The following MINDY4B variants were observed in gnomAD, a reference collection of about 807,000 sequenced individuals.
MINDY4B encodes inactive ubiquitin carboxyl-terminal hydrolase MINDY-4B.
Under a neutral mutation model 16.7 loss-of-function variants are expected in MINDY4B, and 25 were observed. The observed-to-expected ratio is 1.49, with a 90% CI of 1.09 to 2.09. The LOEUF (loss-of-function observed/expected upper bound fraction) is 2.09. Among genes scored for constraint, MINDY4B ranks in the 30% most tolerant of loss-of-function variants. The pLI, the probability that MINDY4B is intolerant of heterozygous loss-of-function variation, is 0.00. For synonymous variants in MINDY4B, 132 were observed against 61.9 expected (o/e 2.13, Z -5.32); for missense variants, 327 against 168.4 (o/e 1.94, Z -5.21).
chr3:150,879,150 AT>A (rs1711501937), intron 10 of MINDY4B, among the ~76,000 whole-genome samples: 1 of 152,196 alleles, frequency 6.6e-6, no homozygotes, highest in Non-Finnish European at 1.5e-5. Flanking sequence ...TTGAAAGAAG[AT>A]ATACTCTTTC....
At position 150,905,400 on chromosome 3, in the gene MINDY4B, G is replaced by A. The variant is rs1011776744; in HGVS notation, c.40C>T (p.Gln14Ter). Residue 14 changes from glutamine to a stop codon, truncating the protein, a stop_gained, in exon 1 of 12, where the codon CAG (glutamine) becomes TAG (stop). Coordinates refer to ENST00000465419, the MANE Select transcript of MINDY4B (RefSeq NM_001351281.2). LOFTEE classifies it high-confidence loss of function. ...EVLGQEQSSE[Q>*]LDLEEISRKI... Reference sequence around the variant, plus strand: ...CTTGAGATCTCCTCTAAATCCAGCTGTTCGGAGCTTTGTTCCTGGCCCAAG... The same window carrying A: ...CTTGAGATCTCCTCTAAATCCAGCTATTCGGAGCTTTGTTCCTGGCCCAAG... 8 of 398,404 alleles carry A rather than the reference G, an allele frequency of 2.0e-5. No individual in the cohort carries two copies. In the Admixed American group the frequency reaches 3.5e-4, roughly 18 times the overall value. 24.7% of individuals were successfully genotyped at this position (398,404 alleles called of 1,614,324 possible).
At chr3:150,871,840 A>G (rs1716980096) in intron 11 of MINDY4B, among the ~76,000 whole-genome samples, 1 of 151,788 alleles carries the variant, frequency 6.6e-6, no homozygotes, top group Non-Finnish European at 1.5e-5. Flanking sequence ...GTGAGACTCC[A>G]TCTCCAACCA....
chr3:150,880,500 A>G (rs1711513766), intron 10 of MINDY4B, among the ~76,000 whole-genome samples: 1 of 152,254 alleles, frequency 6.6e-6, no homozygotes, highest in South Asian at 2.1e-4. Flanking sequence ...CATCAAGCCC[A>G]TGGCATCTAT....
intron 7 of MINDY4B, 44 bp downstream of exon 7, chr3:150,890,275 AG>A: frequency 4.4e-6 from 2 of 451,262 alleles, no homozygotes. Flanking sequence ...GATCCCTGTA[AG>A]ATCAGTCAAC....
At chr3:150,896,434 G>T (rs769566625) in intron 3 of MINDY4B, among the ~76,000 whole-genome samples, 1 of 152,186 alleles carries the variant, frequency 6.6e-6, no homozygotes, top group African/African-American at 2.4e-5. Context: ...CTTTCTGGTG[G>T]GGGAAGGGGG....
At chr3:150,890,135 G>A (rs1387718701) in intron 7 of MINDY4B, among the ~76,000 whole-genome samples, 185 bp downstream of exon 7, 1 of 152,118 alleles carries the variant, frequency 6.6e-6, no homozygotes, top group African/African-American at 2.4e-5. Context: ...GTGTGATCTG[G>A]CCTCTTTCTA....
At chr3:150,880,631 T>C (rs908990118) in intron 10 of MINDY4B, among the ~76,000 whole-genome samples, 2 of 152,244 alleles carry the variant, frequency 1.3e-5, no homozygotes, top group African/African-American at 2.4e-5. Flanking sequence ...CCTACTCAGA[T>C]GACTGAAATA....
chr3:150,885,683 C>T (rs1344491616), intron 7 of MINDY4B, among the ~76,000 whole-genome samples: 5 of 152,196 alleles, frequency 3.3e-5, no homozygotes, highest in African/African-American at 1.2e-4. Context: ...TGCACTTCTA[C>T]CATGTGATTC....
chr3:150,888,938 A>G (rs969739169), intron 7 of MINDY4B, among the ~76,000 whole-genome samples: 5 of 152,212 alleles, frequency 3.3e-5, no homozygotes, highest in Admixed American at 3.3e-4. Flanking sequence ...CAGGGAGGGG[A>G]GGGGTTTGCC....
intron 7 of MINDY4B, among the ~76,000 whole-genome samples, chr3:150,887,451 T>C (rs1290951664): frequency 6.6e-6 from 1 of 152,230 alleles, no homozygotes; most frequent in African/African-American, 2.4e-5. Context: ...TGTATTAATA[T>C]GTTTCTGGGA....
chr3:150,871,723 G>C (rs149863685), intron 11 of MINDY4B, among the ~76,000 whole-genome samples: 1 of 152,018 alleles, frequency 6.6e-6, no homozygotes, highest in Non-Finnish European at 1.5e-5. Context: ...GGTGGCGCGC[G>C]CCTGTAATCC....
chr3:150,873,475 C>T, intron 10 of MINDY4B, 108 bp from the exon 11 acceptor site: 2 of 626,918 alleles, frequency 3.2e-6, no homozygotes, highest in African/African-American at 3.6e-5. Context: ...TCTTGTTGCA[C>T]TTGTCGCGTG....
intron 8 of MINDY4B, among the ~76,000 whole-genome samples, chr3:150,885,064 A>C (rs1319121980): frequency 6.6e-6 from 1 of 152,172 alleles, no homozygotes; most frequent in East Asian, 1.9e-4. Context: ...TAAATAATAA[A>C]ATGTATTTAT....
chr3:150,888,162 C>T (rs1423196108), intron 7 of MINDY4B, among the ~76,000 whole-genome samples: 1 of 152,056 alleles, frequency 6.6e-6, no homozygotes, highest in Non-Finnish European at 1.5e-5. Context: ...GAGAATCCTT[C>T]CTTGCATATT....
In MINDY4B at chr3:150,885,438, A is replaced by T. The variant is rs149421997; in HGVS notation, c.754T>A (p.Phe252Ile). 568 of 681,472 alleles carry T rather than the reference A, an allele frequency of 8.3e-4. 3 individuals are homozygous for T. The African/African-American group carries it at 9.6e-3, about 12-fold the overall frequency. 42.2% of individuals were successfully genotyped at this position (681,472 alleles called of 1,614,324 possible). A position where few individuals can be genotyped will look rare whatever the true frequency, so the allele number is the denominator to read the frequency against. Residue 252 changes from phenylalanine to isoleucine, a missense_variant and splice_region_variant, in exon 8 of 12, where the codon TTC (phenylalanine) becomes ATC (isoleucine). Transcript: ENST00000465419. Reference sequence around the variant, plus strand: ...ACACCATGGCTTCCTTCCCCTCTGAACTGTTCGGAAAAGAAAAGAAAAGCA... The same window carrying T: ...ACACCATGGCTTCCTTCCCCTCTGATCTGTTCGGAAAAGAAAAGAAAAGCA... ...EKFIYDHLLC[F>I]RGEGSHGVIL...
chr3:150,885,707 G>A (rs1272489429), intron 7 of MINDY4B, among the ~76,000 whole-genome samples: 1 of 152,036 alleles, frequency 6.6e-6, no homozygotes, highest in Non-Finnish European at 1.5e-5. Flanking sequence ...TCAAACCTTG[G>A]CCAAGGTGTA....
At chr3:150,871,722 C>T (rs1290856340) in intron 11 of MINDY4B, among the ~76,000 whole-genome samples, 11 of 152,054 alleles carry the variant, frequency 7.2e-5, no homozygotes, top group East Asian at 1.9e-4. Flanking sequence ...TGGTGGCGCG[C>T]GCCTGTAATC....
intron 10 of MINDY4B, among the ~76,000 whole-genome samples, chr3:150,875,222 C>T (rs1285990170): frequency 6.6e-6 from 1 of 152,216 alleles, no homozygotes. Flanking sequence ...TGTAACTATT[C>T]ATTAGTTATA....
chr3:150,892,126 C>G (rs1711831384), intron 5 of MINDY4B, among the ~76,000 whole-genome samples: 1 of 152,212 alleles, frequency 6.6e-6, no homozygotes, highest in Admixed American at 6.5e-5. Context: ...AGCCACCTTG[C>G]CCAGAAGTCA....
Sources: gnomAD v4.1 joint callset for allele counts (sites outside exome capture counted in the v4.1 genomes callset) on GRCh38, gnomAD v4.1.1 for gene constraint, MANE v1.5 for transcripts, NCBI Gene and HGNC (gene_info 2026-07-23, HGNC 2026-07-21) for gene names.